Variants in GGT6 observed in about 807,000 individuals in gnomAD.
GGT6 encodes gamma-glutamyltransferase 6.
A neutral mutation model predicts 17.0 loss-of-function variants in GGT6; 13 were observed. That is an observed-to-expected ratio of 0.77 (90% CI 0.50 to 1.22). The LOEUF (loss-of-function observed/expected upper bound fraction) is 1.22, where lower values mean the gene tolerates loss of function less well. Ranked by LOEUF, GGT6 falls within the 50% of genes most tolerant of loss-of-function variation. The pLI is 0.00. For missense variants in GGT6, 628 were observed against 643.7 expected (o/e 0.98, Z 0.26); for synonymous variants, 305 against 297.9 (o/e 1.02, Z -0.25).
chr17:4,559,974 C>G (rs1908523547), intron 1 of GGT6: 1 of 602,078 alleles, frequency 1.7e-6, no homozygotes, highest in Admixed American at 3.0e-5. Flanking sequence ...GAGGGAGCCT[C>G]TGGAGGGGAG....
intron 1 of GGT6, chr17:4,560,039 G>A: frequency 1.7e-6 from 1 of 578,924 alleles, no homozygotes; most frequent in Non-Finnish European, 3.1e-6. Context: ...GGTGTGGCAG[G>A]CAGGAGAGAA....
intron 1 of GGT6, 88 bp downstream of exon 1, chr17:4,560,294 C>G (rs111870670): frequency 1.2e-4 from 173 of 1,479,508 alleles, no homozygotes; most frequent in Non-Finnish European, 8.4e-5. Context: ...AGCGGGGAGT[C>G]GCCTGGTCCC....
rs753270741 is a variant in GGT6, at chr17:4,558,754, C to T, written c.761G>A (p.Arg254Gln). The T allele has an allele frequency of 9.5e-6, 15 of 1,581,750 alleles. No individual in the cohort carries two copies. The highest frequency in any genetic ancestry group is 1.9e-5 in the Admixed American group (1 of 53,644). Residue 254 changes from arginine to glutamine, a missense_variant, in exon 4 of 4, where the codon CGA becomes CAA. Coordinates refer to ENST00000381550, the MANE Select transcript of GGT6 (RefSeq NM_001288702.2). Reference protein sequence around the residue: ...ADGTPLGAGARATNPQLAAVL... With the variant: ...ADGTPLGAGAQATNPQLAAVL... ...AGCTGCCAGTTGTGGGTTGGTGGCT[C>T]GGGCCCCAGCGCCCAGGGGTGTCCC...
downstream of GGT6, among the ~76,000 whole-genome samples, chr17:4,556,292 C>A (rs1446282736): frequency 6.6e-6 from 1 of 151,896 alleles, no homozygotes; most frequent in Non-Finnish European, 1.5e-5. Flanking sequence ...GGACTGGACC[C>A]AGGGAAAATG....
rs996355318 is a variant in GGT6, at chr17:4,558,142, C to A, written c.1373G>T (p.Gly458Val). 1 of 1,613,626 alleles carries A rather than the reference C, an allele frequency of 6.2e-7. No homozygotes were observed. The highest frequency in any genetic ancestry group is 8.5e-7 in the Non-Finnish European group (1 of 1,179,802). ...PPTQAQHQHQ[G>V]QQEPTEHPST... Reference sequence around the variant, plus strand: ...GGGATGCTCTGTTGGTTCTTGCTGACCCTGATGCTGGTGCTGGGCCTGGGT... The same window carrying A: ...GGGATGCTCTGTTGGTTCTTGCTGAACCTGATGCTGGTGCTGGGCCTGGGT... Residue 458 changes from glycine (G) to valine (V), a missense_variant, in exon 4 of 4, where the codon GGT becomes GTT. Gly to Val is a moderately radical substitution (Grantham distance 109). Coordinates refer to ENST00000381550, the MANE Select transcript of GGT6 (RefSeq NM_001288702.2).
chr17:4,559,816 C>T (rs1381294316), intron 1 of GGT6, 56 bp from the exon 2 acceptor site: 10 of 1,488,702 alleles, frequency 6.7e-6, no homozygotes, highest in Non-Finnish European at 9.3e-6. Flanking sequence ...CCCAAGGACC[C>T]CAAGAGACCC....
Position 4,560,523 on chromosome 17 carries a change from G to A in GGT6, c.-2C>T. The A allele has an allele frequency of 1.2e-6, 2 of 1,609,186 alleles. No individual in the cohort carries two copies. The highest frequency in any genetic ancestry group is 1.7e-6 in the Non-Finnish European group (2 of 1,179,926). ...CACGGGCTCTTCTGCCCGCTCCATG[G>A]CCCCCCAGTGCTCGCCCCAGCCCTC... On this transcript the variant is annotated 5_prime_UTR_variant, in exon 1 of 4. Coordinates refer to ENST00000381550, the MANE Select transcript of GGT6 (RefSeq NM_001288702.2).
rs369020323 is a variant in GGT6 at position 4,558,664 on chromosome 17, A to G, written c.851T>C (p.Leu284Pro). The G allele has an allele frequency of 4.0e-5, 64 of 1,597,104 alleles. No individual in the cohort carries two copies. The East Asian group carries it at 1.1e-3, about 28-fold the overall frequency. Residue 284 changes from leucine to proline, a missense_variant, in exon 4 of 4, where the codon CTG (leucine) becomes CCG (proline). Leu to Pro is a moderately conservative substitution (Grantham distance 98, BLOSUM62 -3). Coordinates refer to ENST00000381550, the MANE Select transcript of GGT6 (RefSeq NM_001288702.2). ...DLAGDALLSLLAGDLGVEVPS... is the reference protein window; with the variant it reads ...DLAGDALLSLPAGDLGVEVPS... ...CACCTCCACCCCCAGGTCTCCCGCC[A>G]GTAGACTCAGTAGAGCATCCCCAGC... is the stretch of plus-strand genomic sequence containing the variant.
rs890980683 is a variant in GGT6 at position 4,559,541 on chromosome 17, C to A, written c.343+17G>T. ...CCTGACCCTCCCCTCCCCAAGCCGCCCCCAGCACTGACTGACCTGCAGGGC... is the reference window on the plus strand; with the variant it reads ...CCTGACCCTCCCCTCCCCAAGCCGCACCCAGCACTGACTGACCTGCAGGGC... On this transcript the variant is annotated intron_variant, in intron 2 of 3. Coordinates refer to ENST00000381550, the MANE Select transcript of GGT6 (RefSeq NM_001288702.2). 6.2e-7 allele frequency: 1 copy of A among 1,611,758 alleles called. No individual in the cohort carries two copies. The highest frequency in any genetic ancestry group is 1.3e-5 in the African/African-American group (1 of 74,922).
In GGT6 at chr17:4,558,284, G is replaced by A. The variant is rs200434991; in HGVS notation, c.1231C>T (p.Arg411Cys). 6.2e-6 allele frequency: 10 copies of A among 1,613,856 alleles called. No individual in the cohort carries two copies. Among genetic ancestry groups the A allele is most frequent in the East Asian group, 2.2e-5 (1 of 44,898 alleles). ...GCCTCTGTGTCATCCAGGCTGCCACGGAGGATGAGGGGGCAGGCCCAGGCA... is the reference window on the plus strand; with the variant it reads ...GCCTCTGTGTCATCCAGGCTGCCACAGAGGATGAGGGGGCAGGCCCAGGCA... ...TSAWACPLIL[R>C]GSLDDTEADV... Residue 411 changes from arginine to cysteine, a missense_variant, in exon 4 of 4, where the codon CGT becomes TGT. Coordinates refer to ENST00000381550, the MANE Select transcript of GGT6 (RefSeq NM_001288702.2).
rs1413301060 is a variant in GGT6, at chr17:4,558,890, C to G, written c.625G>C (p.Val209Leu). ...TCCTGAGCCAGCGTGGTGGGGCCCA[C>G]TAGCAGGCGTGGCCAGGGCAGGCGG... is the stretch of plus-strand genomic sequence containing the variant. ...FGRLPWPRLLVGPTTLAQEGF... is the reference protein window; with the variant it reads ...FGRLPWPRLLLGPTTLAQEGF... The change falls in exon 4 of 4, where the codon GTG becomes CTG. Residue 209 changes from valine to leucine, a missense_variant. By Grantham distance (32) the Val-to-Leu change is conservative. Transcript: ENST00000381550. The G allele has an allele frequency of 1.3e-6, 2 of 1,547,816 alleles. No individual in the cohort carries two copies. The highest frequency in any genetic ancestry group is 1.2e-5 in the South Asian group (1 of 83,768).
chr17:4,556,265 C>A (rs1186734058), downstream of GGT6, among the ~76,000 whole-genome samples: 1 of 152,062 alleles, frequency 6.6e-6, no homozygotes, highest in Non-Finnish European at 1.5e-5. Context: ...ACGGGAAGAC[C>A]ATTTAGAGAT....
intron 1 of GGT6, chr17:4,560,040 C>A (rs373489166): frequency 5.2e-6 from 3 of 577,678 alleles, no homozygotes; most frequent in Non-Finnish European, 3.1e-6. Flanking sequence ...GTGTGGCAGG[C>A]AGGAGAGAAG....
chr17:4,560,276 C>G (rs1425839913), intron 1 of GGT6, 106 bp downstream of exon 1: 1 of 1,320,058 alleles, frequency 7.6e-7, no homozygotes, highest in Non-Finnish European at 1.1e-6. Context: ...GTGCCTGGAG[C>G]TAAACCCAGC....
chr17:4,558,042 A>T lies in GGT6; in HGVS notation c.1473T>A (p.His491Gln). Residue 491 changes from histidine to glutamine, a missense_variant, in exon 4 of 4, where the codon CAT (histidine) becomes CAA (glutamine). By Grantham distance (24) the His-to-Gln change is conservative (BLOSUM62 0). Coordinates refer to ENST00000381550, the MANE Select transcript of GGT6 (RefSeq NM_001288702.2). ...AGAACCCCTGGAAGGGGCAGCAGGCATGGGGGACACTGGAGACATGGGCGT... is the reference window on the plus strand; with the variant it reads ...AGAACCCCTGGAAGGGGCAGCAGGCTTGGGGGACACTGGAGACATGGGCGT... ...TEHAHVSSVP[H>Q]ACCPFQGF 3 of 1,559,722 alleles carry T rather than the reference A, an allele frequency of 1.9e-6. No individual in the cohort carries two copies. Among genetic ancestry groups the T allele is most frequent in the East Asian group, 2.3e-5 (1 of 44,414 alleles).
Position 4,558,848 on chromosome 17 carries a change from T to C in GGT6, c.667A>G (p.Thr223Ala). 1 of 1,547,592 alleles carries C rather than the reference T, an allele frequency of 6.5e-7. No homozygotes were observed. Among genetic ancestry groups the C allele is most frequent in the South Asian group, 1.2e-5 (1 of 83,580 alleles). The stretch of plus-strand genomic sequence containing the variant: ...GCCACCAGAGCCCTTGCCAGGGGTG[T>C]GTCCACCAGGAAGCCCTCCTGAGCC... ...TLAQEGFLVDTPLARALVARG... is the reference protein window; with the variant it reads ...TLAQEGFLVDAPLARALVARG... The change falls in exon 4 of 4, where the codon ACA becomes GCA. Residue 223 changes from threonine (T) to alanine (A), a missense_variant. Transcript: ENST00000381550.
chr17:4,559,774 G>A lies in GGT6; in HGVS notation c.141-14C>T, dbSNP rs572173915. The A allele has an allele frequency of 2.4e-5, 38 of 1,608,556 alleles. No homozygotes were observed. The highest frequency in any genetic ancestry group is 3.1e-5 in the Non-Finnish European group (37 of 1,178,784). On this transcript the variant is annotated splice_polypyrimidine_tract_variant and intron_variant, in intron 1 of 3. Coordinates refer to ENST00000381550, the MANE Select transcript of GGT6 (RefSeq NM_001288702.2). ...CCAGCCTTGTTCCTGCAGAGGGGGG[G>A]TGTCCTGAGCCACGGCTGGGACAGA...
In GGT6 at chr17:4,559,547, C is replaced by T. The variant is rs771168466; in HGVS notation, c.343+11G>A. 9 of 1,612,720 alleles carry T rather than the reference C, an allele frequency of 5.6e-6. No individual in the cohort carries two copies. The highest frequency in any genetic ancestry group is 1.7e-6 in the Non-Finnish European group (2 of 1,179,642). ...CCTCCCCTCCCCAAGCCGCCCCCAG[C>T]ACTGACTGACCTGCAGGGCTGATGA... On this transcript the variant is annotated intron_variant, in intron 2 of 3. Transcript: ENST00000381550.
rs1474119636 is a variant in GGT6 at position 4,558,874 on chromosome 17, A to G, written c.641T>C (p.Leu214Pro). The G allele has an allele frequency of 1.4e-5, 22 of 1,547,108 alleles. No homozygotes were observed. The Admixed American group carries it at 1.6e-4, about 11-fold the overall frequency. Residue 214 changes from leucine to proline, a missense_variant, in exon 4 of 4, where the codon CTG (leucine) becomes CCG (proline). Leu to Pro is a moderately conservative substitution (Grantham distance 98). Coordinates refer to ENST00000381550, the MANE Select transcript of GGT6 (RefSeq NM_001288702.2). The part of the protein sequence containing the change: ...WPRLLVGPTT[L>P]AQEGFLVDTP... ...GTCCACCAGGAAGCCCTCCTGAGCCAGCGTGGTGGGGCCCACTAGCAGGCG... is the reference window on the plus strand; with the variant it reads ...GTCCACCAGGAAGCCCTCCTGAGCCGGCGTGGTGGGGCCCACTAGCAGGCG...
Sources: gnomAD v4.1 joint callset for allele counts (sites outside exome capture counted in the v4.1 genomes callset) on GRCh38, gnomAD v4.1.1 for gene constraint, MANE v1.5 for transcripts, NCBI Gene and HGNC (gene_info 2026-07-23, HGNC 2026-07-21) for gene names.